The following MAP3K20 variants were observed in gnomAD, a reference collection of about 807,000 sequenced individuals.
The protein encoded by MAP3K20 is mitogen-activated protein kinase kinase kinase 20.
In MAP3K20, 40 loss-of-function variants were observed where a neutral mutation model predicts 85.7. That is an observed-to-expected ratio of 0.47 (90% CI 0.36 to 0.61). MAP3K20 has a LOEUF of 0.61. Among genes scored for constraint, MAP3K20 ranks in the 20% least tolerant of loss-of-function variants. MAP3K20 has a pLI of 0.00. For missense variants in MAP3K20, 817 were observed against 961.7 expected (o/e 0.85, Z 1.99); for synonymous variants, 325 against 327.7 (o/e 0.99, Z 0.09).
intron 16 of MAP3K20, among the ~76,000 whole-genome samples, chr2:173,251,547 A>C (rs1685042904): frequency 6.6e-6 from 1 of 152,190 alleles, no homozygotes; most frequent in Non-Finnish European, 1.5e-5. Context: ...AAAACAACAT[A>C]CAAGTACCTG....
At chr2:173,176,511 A>G (rs141762331) in intron 3 of MAP3K20, among the ~76,000 whole-genome samples, 1,968 of 152,272 alleles carry the variant, frequency 0.013, 23 homozygotes, top group Middle Eastern at 0.024. Context: ...CTAAATTAAG[A>G]TACATTTTAT....
intron 18 of MAP3K20, among the ~76,000 whole-genome samples, chr2:173,261,368 C>T (rs1432954754): frequency 1.3e-5 from 2 of 152,194 alleles, no homozygotes; most frequent in African/African-American, 4.8e-5. Flanking sequence ...GGTAGTACTT[C>T]AGTCATTCAT....
intron 2 of MAP3K20, among the ~76,000 whole-genome samples, chr2:173,117,117 G>A (rs1002026843): frequency 5.9e-5 from 9 of 152,102 alleles, no homozygotes; most frequent in African/African-American, 1.7e-4. Context: ...ATTTTAATTA[G>A]CATTTAACAA....
intron 11 of MAP3K20, chr2:173,223,612 A>AT (rs1455800136): frequency 3.8e-5 from 37 of 985,254 alleles, no homozygotes; most frequent in Non-Finnish European, 4.1e-5. Flanking sequence ...AGCTAAACAG[A>AT]TTTTTTCTGT....
intron 9 of MAP3K20, among the ~76,000 whole-genome samples, chr2:173,208,945 T>C (rs115695780): frequency 0.01 from 1,548 of 152,340 alleles, 23 homozygotes; most frequent in African/African-American, 0.035. Context: ...TACTGCCAGC[T>C]CAAGAAACAC....
At chr2:173,094,719 A>G (rs888467586) in intron 2 of MAP3K20, among the ~76,000 whole-genome samples, 3 of 152,124 alleles carry the variant, frequency 2.0e-5, no homozygotes, top group Non-Finnish European at 4.4e-5. Context: ...TTGGCAGGAA[A>G]ACTACATAGG....
chr2:173,091,410 A>G (rs907544088), intron 2 of MAP3K20, among the ~76,000 whole-genome samples: 3 of 152,094 alleles, frequency 2.0e-5, no homozygotes, highest in Admixed American at 6.5e-5. Context: ...CTGAAGTAAG[A>G]GGATTTCTTT....
At chr2:173,259,352 G>A (rs1285630351) in intron 17 of MAP3K20, among the ~76,000 whole-genome samples, 1 of 152,154 alleles carries the variant, frequency 6.6e-6, no homozygotes, top group Admixed American at 6.5e-5. Context: ...ATGGAAGCAT[G>A]CTGATGAAAA....
intron 2 of MAP3K20, among the ~76,000 whole-genome samples, chr2:173,110,940 AT>A (rs571532323): frequency 3.3e-5 from 5 of 152,196 alleles, no homozygotes; most frequent in Non-Finnish European, 7.3e-5. Flanking sequence ...CTTTGGGTAG[AT>A]TCCCAGTAGT....
intron 7 of MAP3K20, among the ~76,000 whole-genome samples, chr2:173,193,730 G>GT (rs1277467326): frequency 4.6e-5 from 7 of 152,130 alleles, no homozygotes; most frequent in Non-Finnish European, 8.8e-5. Flanking sequence ...CATTTTCAGT[G>GT]TTTTTTATTA....
intron 9 of MAP3K20, among the ~76,000 whole-genome samples, chr2:173,204,305 T>C (rs1683592518): frequency 6.6e-6 from 1 of 152,096 alleles, no homozygotes; most frequent in African/African-American, 2.4e-5. Context: ...AACCAAGACA[T>C]ACAGAGGTTA....
At chr2:173,077,900 C>T (rs1348831146) in intron 1 of MAP3K20, among the ~76,000 whole-genome samples, 1 of 152,184 alleles carries the variant, frequency 6.6e-6, no homozygotes, top group Non-Finnish European at 1.5e-5. Flanking sequence ...TGGCAAGTTG[C>T]ACTGTGTATT....
chr2:173,130,732 A>G (rs1342249102), intron 2 of MAP3K20, among the ~76,000 whole-genome samples: 2 of 152,244 alleles, frequency 1.3e-5, no homozygotes, highest in African/African-American at 2.4e-5. Flanking sequence ...AAAGTGTTCT[A>G]TATGGAACAG....
At chr2:173,086,628 T>C (rs1687153736) in intron 1 of MAP3K20, among the ~76,000 whole-genome samples, 1 of 152,236 alleles carries the variant, frequency 6.6e-6, no homozygotes, top group African/African-American at 2.4e-5. Flanking sequence ...AGTGATTCTG[T>C]GAAGAACCTG....
chr2:173,165,917 TCTC>T (rs2106245562), intron 2 of MAP3K20, among the ~76,000 whole-genome samples: 2 of 152,204 alleles, frequency 1.3e-5, no homozygotes, highest in East Asian at 1.9e-4. Flanking sequence ...GTGCTTCTCT[TCTC>T]CTGCCTCAGC....
intron 3 of MAP3K20, among the ~76,000 whole-genome samples, chr2:173,174,642 T>C (rs533651712): frequency 6.6e-6 from 1 of 152,360 alleles, no homozygotes; most frequent in Admixed American, 6.5e-5. Flanking sequence ...GTCATTGTTA[T>C]TGTGAATAGT....
chr2:173,221,565 T>G, intron 11 of MAP3K20: 1 of 1,461,932 alleles, frequency 6.8e-7, no homozygotes, highest in Admixed American at 2.5e-5. Context: ...CACAAATGTT[T>G]GGAAAACACA....
intron 7 of MAP3K20, among the ~76,000 whole-genome samples, chr2:173,191,558 G>A (rs2106275534): frequency 6.6e-6 from 1 of 152,276 alleles, no homozygotes; most frequent in Non-Finnish European, 1.5e-5. Flanking sequence ...GTAATGGATT[G>A]CTTAAACAGT....
chr2:173,247,397 A>C (rs1038665647), intron 16 of MAP3K20, among the ~76,000 whole-genome samples: 51 of 152,206 alleles, frequency 3.4e-4, no homozygotes, highest in African/African-American at 1.2e-3. Context: ...ATAAAATAAC[A>C]GGGCACAAAG....
Sources: gnomAD v4.1 joint callset for allele counts (sites outside exome capture counted in the v4.1 genomes callset) on GRCh38, gnomAD v4.1.1 for gene constraint, MANE v1.5 for transcripts, NCBI Gene and HGNC (gene_info 2026-07-23, HGNC 2026-07-21) for gene names.